Variants in KDM4D observed in about 807,000 individuals in gnomAD.
KDM4D encodes lysine demethylase 4D.
For synonymous variants in KDM4D, 254 were observed against 249.1 expected, an observed-to-expected ratio of 1.02 and a Z score of -0.19; for missense variants, 427 against 674.8, an observed-to-expected ratio of 0.63 and a Z score of 4.07.
chr11:94,987,247 A>G (rs1555098209), intron 2 of KDM4D, among the ~76,000 whole-genome samples: 1 of 152,226 alleles, frequency 6.6e-6, no homozygotes, highest in African/African-American at 2.4e-5. Context: ...GTCACACAGC[A>G]TTGTAAATAT....
Position 94,973,724 on chromosome 11 carries a change from C to A in KDM4D, c.-789C>A, listed in dbSNP as rs1339928479. 1 of 152,376 alleles carries A rather than the reference C, an allele frequency of 6.6e-6. No individual in the cohort carries two copies. Among genetic ancestry groups the A allele is most frequent in the Non-Finnish European group, 1.5e-5 (1 of 68,148 alleles). 9.4% of individuals were successfully genotyped at this position (152,376 alleles called of 1,614,324 possible). On this transcript the variant is annotated 5_prime_UTR_variant, in exon 1 of 3. Transcript: ENST00000335080. ...GGCCCAGGGGGCGGGCGTTTGAAAT[C>A]AGTGCCTTAGAGTAGACCCTAAACC...
intron 2 of KDM4D, among the ~76,000 whole-genome samples, chr11:94,980,032 A>G (rs1244059642): frequency 1.3e-5 from 2 of 152,156 alleles, no homozygotes; most frequent in Non-Finnish European, 2.9e-5. Context: ...TTTCTATTGA[A>G]TCATCTTTTC....
At position 94,999,076 on chromosome 11, in the gene KDM4D, G is replaced by A; in HGVS notation, c.*132G>A. On this transcript the variant is annotated 3_prime_UTR_variant, in exon 3 of 3. Coordinates refer to ENST00000335080, the MANE Select transcript of KDM4D (RefSeq NM_018039.3). ...TGCATGAAAGAGCCCCCCTGGTGAT[G>A]CCCTTGGATGCTGCCAAGTCCATGG... 1 of 789,708 alleles carries A rather than the reference G, an allele frequency of 1.3e-6. No individual in the cohort carries two copies. Among genetic ancestry groups the A allele is most frequent in the Non-Finnish European group, 1.8e-6 (1 of 545,854 alleles). 48.9% of individuals were successfully genotyped at this position (789,708 alleles called of 1,614,324 possible).
In KDM4D at chr11:94,998,428, A is replaced by G. The variant is rs1555099556; in HGVS notation, c.1056A>G (p.Val352=). 1 of 1,613,612 alleles carries G rather than the reference A, an allele frequency of 6.2e-7. No individual in the cohort carries two copies. The highest frequency in any genetic ancestry group is 8.5e-7 in the Non-Finnish European group (1 of 1,179,972). ...TTGTGGACCACATGGAGCCCAGGGTACCAGCCAGCCAAGAGCTGAGCACCC... is the reference window on the plus strand; with the variant it reads ...TTGTGGACCACATGGAGCCCAGGGTGCCAGCCAGCCAAGAGCTGAGCACCC... ...RAVVDHMEPR[V]PASQELSTQK... Residue 352 remains valine, a synonymous_variant, in exon 3 of 3, where the codon GTA becomes GTG. Coordinates refer to ENST00000335080, the MANE Select transcript of KDM4D (RefSeq NM_018039.3). The surrounding 1 kb of genome is among the most constrained non-coding windows in gnomAD (Gnocchi z 6.7).
chr11:94,984,904 A>G (rs1428648594), intron 2 of KDM4D, among the ~76,000 whole-genome samples: 1 of 152,090 alleles, frequency 6.6e-6, no homozygotes, highest in Non-Finnish European at 1.5e-5. Context: ...AGTATTATTG[A>G]TGGACACCCA....
At chr11:94,983,980 T>C (rs1555097868) in intron 2 of KDM4D, among the ~76,000 whole-genome samples, 1 of 151,910 alleles carries the variant, frequency 6.6e-6, no homozygotes, top group Non-Finnish European at 1.5e-5. Flanking sequence ...TTGTCACATA[T>C]AAGAAAGAGA....
In KDM4D at chr11:94,997,242, A is replaced by AG; in HGVS notation, c.-131_-130insG. The AG allele has an allele frequency of 1.5e-6, 1 of 658,234 alleles. No homozygotes were observed. Among genetic ancestry groups the AG allele is most frequent in the Non-Finnish European group, 2.4e-6 (1 of 410,498 alleles). The allele number at this position is 658,234 out of a possible 1,614,324, so 40.8% of individuals were successfully genotyped here. On this transcript the variant is annotated 5_prime_UTR_variant, in exon 3 of 3. Coordinates refer to ENST00000335080, the MANE Select transcript of KDM4D (RefSeq NM_018039.3). ...AGAAAGATTATCATCTCATTTGCAA[A>AG]AAAAAAAGTACGCTGGTAGATCCTG...
chr11:94,996,614 A>C (rs1450749630), intron 2 of KDM4D, among the ~76,000 whole-genome samples: 2 of 152,172 alleles, frequency 1.3e-5, no homozygotes, highest in East Asian at 1.9e-4. Flanking sequence ...TGTTGTGTGA[A>C]TATACTGCAG....
chr11:94,978,841 G>GT (rs1323752022), intron 2 of KDM4D, among the ~76,000 whole-genome samples: 1 of 152,170 alleles, frequency 6.6e-6, no homozygotes, highest in Non-Finnish European at 1.5e-5. Flanking sequence ...AGAAGTGCAT[G>GT]TATTATATTA....
Position 94,999,136 on chromosome 11 carries a change from A to G in KDM4D, c.*192A>G. On this transcript the variant is annotated 3_prime_UTR_variant, in exon 3 of 3. Transcript: ENST00000335080. ...ATTTTGCCATACTTTTGTTCTTCCT[A>G]CCGGACCCTGGAATGTCTTTGGATA... 1 of 471,502 alleles carries G rather than the reference A, an allele frequency of 2.1e-6. No homozygotes were observed. The highest frequency in any genetic ancestry group is 3.7e-6 in the Non-Finnish European group (1 of 267,234). 29.2% of individuals were successfully genotyped at this position (471,502 alleles called of 1,614,324 possible). A position where few individuals can be genotyped will look rare whatever the true frequency, so the allele number is the denominator to read the frequency against.
At chr11:94,978,530 C>T (rs1857817434) in intron 2 of KDM4D, among the ~76,000 whole-genome samples, 1 of 152,074 alleles carries the variant, frequency 6.6e-6, no homozygotes, top group Non-Finnish European at 1.5e-5. Flanking sequence ...AGATTATTTC[C>T]TGGAGACAGC....
chr11:94,991,402 A>G (rs1179838960), intron 2 of KDM4D, among the ~76,000 whole-genome samples: 6 of 152,236 alleles, frequency 3.9e-5, no homozygotes, highest in Non-Finnish European at 8.8e-5. Context: ...TCAATTTCAA[A>G]GAAACAGACC....
chr11:94,980,233 A>G lies in KDM4D; in HGVS notation c.-350+4485A>G, dbSNP rs587604851. ...TGAATGTCCCTACTTGGGAAGTCATAATGATATTCTCAGGTATTATCTTCT... is the reference window on the plus strand; with the variant it reads ...TGAATGTCCCTACTTGGGAAGTCATGATGATATTCTCAGGTATTATCTTCT... On this transcript the variant is annotated intron_variant, in intron 2 of 2. Transcript: ENST00000335080. Among the ~76,000 whole-genome samples the G allele has an allele frequency of 7.2e-5, 11 of 152,300 alleles. 1 individual carries two copies. The South Asian group carries it at 1.2e-3, about 17-fold the overall frequency.
At chr11:94,988,093 A>G (rs1334027821) in intron 2 of KDM4D, among the ~76,000 whole-genome samples, 2 of 152,238 alleles carry the variant, frequency 1.3e-5, no homozygotes, top group African/African-American at 4.8e-5. Flanking sequence ...TGATTGACAA[A>G]GAAGACTTAC....
At position 94,997,212 on chromosome 11, in the gene KDM4D, G is replaced by T; in HGVS notation, c.-161G>T. 1 of 521,540 alleles carries T rather than the reference G, an allele frequency of 1.9e-6. No individual in the cohort carries two copies. Among genetic ancestry groups the T allele is most frequent in the East Asian group, 3.1e-5 (1 of 32,422 alleles). The allele number at this position is 521,540 out of a possible 1,614,324, so 32.3% of individuals were successfully genotyped here. A position where few individuals can be genotyped will look rare whatever the true frequency, so the allele number is the denominator to read the frequency against. On this transcript the variant is annotated 5_prime_UTR_variant, in exon 3 of 3. Transcript: ENST00000335080. ...TGGAATCTCACTAGTGAATAAACAA[G>T]CCCAAGAAAGATTATCATCTCATTT... is the stretch of plus-strand genomic sequence containing the variant.
At chr11:94,983,295 T>C (rs1555097773) in intron 2 of KDM4D, among the ~76,000 whole-genome samples, 1 of 151,792 alleles carries the variant, frequency 6.6e-6, no homozygotes, top group Non-Finnish European at 1.5e-5. Flanking sequence ...AAGTTCTGTT[T>C]CTTACAATAA....
At chr11:94,988,437 C>T (rs746996239) in intron 2 of KDM4D, among the ~76,000 whole-genome samples, 2 of 152,170 alleles carry the variant, frequency 1.3e-5, no homozygotes, top group African/African-American at 4.8e-5. Flanking sequence ...TATCCAGCAC[C>T]TATTGCAGTG....
intron 2 of KDM4D, among the ~76,000 whole-genome samples, chr11:94,996,077 T>C (rs1015858749): frequency 6.6e-6 from 1 of 152,216 alleles, no homozygotes; most frequent in Admixed American, 6.5e-5. Flanking sequence ...TTCCGTACCT[T>C]TCCTCTTTCT....
At chr11:94,980,735 A>T (rs1857835901) in intron 2 of KDM4D, among the ~76,000 whole-genome samples, 1 of 152,146 alleles carries the variant, frequency 6.6e-6, no homozygotes, top group South Asian at 2.1e-4. Context: ...GCTGGTGTGT[A>T]GAAATATCAT....
Sources: gnomAD v4.1 joint callset for allele counts (sites outside exome capture counted in the v4.1 genomes callset) on GRCh38, gnomAD v4.1.1 for gene constraint, Gnocchi (gnomAD v3.1) non-coding constraint, MANE v1.5 for transcripts, NCBI Gene and HGNC (gene_info 2026-07-23, HGNC 2026-07-21) for gene names.